GOSR1: variants seen among roughly 807,000 people sequenced by gnomAD.
The protein encoded by GOSR1 is 28 kDa Golgi SNARE protein.
A neutral mutation model predicts 35.5 loss-of-function variants in GOSR1; 21 were observed. The ratio of observed to expected loss-of-function variants is 0.59; its 90% CI spans 0.42 to 0.85. The LOEUF is 0.85. GOSR1 is among the 40% of genes least tolerant of loss of function. The pLI is 0.00. For missense variants in GOSR1, 285 were observed against 309.6 expected, an observed-to-expected ratio of 0.92 and a Z score of 0.60; for synonymous variants, 94 against 106.6, an observed-to-expected ratio of 0.88 and a Z score of 0.73.
At chr17:30,508,545 T>C (rs1280488964) in intron 6 of GOSR1, among the ~76,000 whole-genome samples, 1 of 152,212 alleles carries the variant, frequency 6.6e-6, no homozygotes, top group African/African-American at 2.4e-5. Context: ...GGCAGGTTAG[T>C]GCCATATCTT....
intron 8 of GOSR1, among the ~76,000 whole-genome samples, chr17:30,521,035 AGT>A (rs1489099383): frequency 6.6e-6 from 1 of 152,206 alleles, no homozygotes; most frequent in Non-Finnish European, 1.5e-5. Flanking sequence ...TTGAAATAGA[AGT>A]GTGAGTCAGA....
chr17:30,516,109 C>CTTGTATA (rs924466032), intron 7 of GOSR1, among the ~76,000 whole-genome samples: 1 of 151,762 alleles, frequency 6.6e-6, no homozygotes, highest in Non-Finnish European at 1.5e-5. Context: ...TTATTAGACA[C>CTTGTATA]TTGTATATTG....
At chr17:30,520,045 T>C in intron 8 of GOSR1, 24 bp downstream of exon 8, 1 of 1,487,006 alleles carries the variant, frequency 6.7e-7, no homozygotes, top group Non-Finnish European at 9.4e-7. Flanking sequence ...ATGTTCGCAG[T>C]CTGTGTTTTG....
chr17:30,514,323 G>A (rs1473447464), intron 7 of GOSR1, among the ~76,000 whole-genome samples: 1 of 152,074 alleles, frequency 6.6e-6, no homozygotes, highest in African/African-American at 2.4e-5. Flanking sequence ...TCCTCTATTG[G>A]ATTACCTACT....
intron 6 of GOSR1, among the ~76,000 whole-genome samples, chr17:30,503,943 TAAAAG>T (rs1428737535): frequency 3.9e-5 from 6 of 152,204 alleles, no homozygotes; most frequent in African/African-American, 1.4e-4. Flanking sequence ...TAAGGGGACT[TAAAAG>T]GAAGAAAAAC....
chr17:30,519,070 C>CT (rs547640671), intron 7 of GOSR1, among the ~76,000 whole-genome samples: 6 of 151,548 alleles, frequency 4.0e-5, no homozygotes, highest in Non-Finnish European at 5.9e-5. Flanking sequence ...TTAATCTTTT[C>CT]TTTTTTTTGA....
intron 6 of GOSR1, among the ~76,000 whole-genome samples, chr17:30,505,001 T>A (rs1417879107): frequency 6.6e-6 from 1 of 152,220 alleles, no homozygotes; most frequent in East Asian, 1.9e-4. Context: ...GCTTTGTAAT[T>A]TTATATTTCT....
chr17:30,504,171 C>T (rs1296632974), intron 6 of GOSR1, among the ~76,000 whole-genome samples: 4 of 151,870 alleles, frequency 2.6e-5, no homozygotes, highest in Non-Finnish European at 4.4e-5. Flanking sequence ...GGATTACAGG[C>T]GCCCGCCACC....
rs1278706959 is a variant in GOSR1, at chr17:30,527,127, G to A, written c.*4749G>A. ...AATCCCAGCAGTTCGAGAGGCCGAG[G>A]CAGGAGGATTGCTTGAGACCAGGGA... On this transcript the variant is annotated 3_prime_UTR_variant, in exon 9 of 9. Coordinates refer to ENST00000451249, the MANE Select transcript of GOSR1 (RefSeq NM_001007025.2). The A allele has an allele frequency of 6.6e-6, 1 of 152,250 alleles. No homozygotes were observed. The highest frequency in any genetic ancestry group is 2.4e-5 in the African/African-American group (1 of 41,448). 9.4% of individuals were successfully genotyped at this position (152,250 alleles called of 1,614,324 possible).
chr17:30,484,700 A>G lies in GOSR1; in HGVS notation c.272A>G (p.Asn91Ser), dbSNP rs1914567850. The change falls in exon 4 of 9, where the codon AAC becomes AGC. Residue 91 changes from asparagine to serine, a missense_variant. By Grantham distance (46) the Asn-to-Ser change is conservative. This residue lies in a region of GOSR1 where 9 missense variants were observed against 27.4 expected (regional missense o/e 0.33). Coordinates refer to ENST00000451249, the MANE Select transcript of GOSR1 (RefSeq NM_001007025.2). Reference sequence around the variant, plus strand: ...AATGATAAAATGGCAGAATATACCAACAGTGCAGGTGTCCCCTCCTTGAAT... The same window carrying G: ...AATGATAAAATGGCAGAATATACCAGCAGTGCAGGTGTCCCCTCCTTGAAT... ...GVNDKMAEYT[N>S]SAGVPSLNAA... 6 of 1,583,998 alleles carry G rather than the reference A, an allele frequency of 3.8e-6. No homozygotes were observed. The highest frequency in any genetic ancestry group is 1.2e-5 in the South Asian group (1 of 86,786).
At chr17:30,496,145 A>G (rs975169072) in intron 6 of GOSR1, among the ~76,000 whole-genome samples, 1 of 152,126 alleles carries the variant, frequency 6.6e-6, no homozygotes, top group African/African-American at 2.4e-5. Context: ...AAGGGATGGA[A>G]TATTTGTCCT....
intron 7 of GOSR1, among the ~76,000 whole-genome samples, chr17:30,516,480 A>C (rs1278330388): frequency 6.6e-6 from 1 of 150,922 alleles, no homozygotes; most frequent in African/African-American, 2.4e-5. Flanking sequence ...AAACAAAAAA[A>C]AAGAAAAAGA....
At chr17:30,520,062 G>A (rs1388341467) in intron 8 of GOSR1, 41 bp downstream of exon 8, 10 of 1,263,038 alleles carry the variant, frequency 7.9e-6, no homozygotes, top group Admixed American at 1.7e-5. Flanking sequence ...TTTGAGGGTA[G>A]AGGGGAGAAG....
intron 6 of GOSR1, among the ~76,000 whole-genome samples, chr17:30,494,052 T>C (rs1377893137): frequency 5.3e-5 from 8 of 152,202 alleles, no homozygotes; most frequent in Non-Finnish European, 1.2e-4. Flanking sequence ...GGACCTTTTA[T>C]GGCTAGAACT....
At chr17:30,507,722 CAAA>C (rs57856074) in intron 6 of GOSR1, among the ~76,000 whole-genome samples, 2 of 125,600 alleles carry the variant, frequency 1.6e-5, no homozygotes, top group Admixed American at 8.1e-5. Flanking sequence ...GACTCTGTCT[CAAA>C]AAAAAAAAAA....
intron 5 of GOSR1, 196 bp downstream of exon 5, chr17:30,490,413 TCTTA>T (rs924223128): frequency 9.3e-5 from 40 of 431,006 alleles, no homozygotes; most frequent in African/African-American, 6.1e-4. Context: ...TCATGCTTCC[TCTTA>T]CTTTATCATT....
In GOSR1 at chr17:30,492,878, C is replaced by T. The variant is rs1915132364; in HGVS notation, c.509+125C>T. 5 of 607,996 alleles carry T rather than the reference C, an allele frequency of 8.2e-6. No homozygotes were observed. In the East Asian group the frequency reaches 1.1e-4, roughly 14 times the overall value. The allele number at this position is 607,996 out of a possible 1,614,324, so 37.7% of individuals were successfully genotyped here. On this transcript the variant is annotated intron_variant, in intron 6 of 8. Transcript: ENST00000451249. ...TGTCCATGCTAATTCATTTTATTCT[C>T]CTAATGACTCTTTTCAATAGAAAAG...
At chr17:30,482,187 T>C (rs541632377) in intron 2 of GOSR1, among the ~76,000 whole-genome samples, 1 of 152,048 alleles carries the variant, frequency 6.6e-6, no homozygotes, top group South Asian at 2.1e-4. Context: ...TATTCTATTA[T>C]GTTATATAGT....
chr17:30,481,996 AT>A (rs1308934066), intron 2 of GOSR1, among the ~76,000 whole-genome samples: 5 of 152,036 alleles, frequency 3.3e-5, no homozygotes, highest in Non-Finnish European at 7.4e-5. Context: ...AAATTTTTTA[AT>A]TAGGCAATAT....
Sources: gnomAD v4.1 joint callset for allele counts (sites outside exome capture counted in the v4.1 genomes callset) on GRCh38, gnomAD v4.1.1 for gene constraint, gnomAD v4.1.1 regional missense constraint, MANE v1.5 for transcripts, NCBI Gene and HGNC (gene_info 2026-07-23, HGNC 2026-07-21) for gene names.